Variants in TRDN observed in about 807,000 individuals in gnomAD.
TRDN encodes the protein triadin in skeletal muscle.
Under a neutral mutation model 149.7 loss-of-function variants are expected in TRDN, and 161 were observed. The observed-to-expected ratio is 1.08, with a 90% CI of 0.95 to 1.23. The LOEUF (loss-of-function observed/expected upper bound fraction) is 1.23, where lower values mean the gene tolerates loss of function less well. Among genes scored for constraint, TRDN ranks in the 50% most tolerant of loss-of-function variants. TRDN has a pLI of 0.00. For synonymous variants in TRDN, 294 were observed against 250.5 expected (o/e 1.17, Z -1.64); for missense variants, 896 against 823.5 (o/e 1.09, Z -1.08).
intron 9 of TRDN, among the ~76,000 whole-genome samples, chr6:123,494,677 T>A (rs1396667812): frequency 6.6e-6 from 1 of 152,194 alleles, no homozygotes; most frequent in Non-Finnish European, 1.5e-5. Flanking sequence ...GTGTAGAGTA[T>A]GAATTTCTTG....
At position 123,529,298 on chromosome 6, in the gene TRDN, G is replaced by A. The variant is rs1265227305; in HGVS notation, c.484+1208C>T. The A allele has an allele frequency of 2.6e-6, 4 of 1,548,678 alleles. No homozygotes were observed. In the African/African-American group the frequency reaches 4.1e-5, roughly 16 times the overall value. Reference sequence around the variant, plus strand: ...CTCAAGAGCTGTGTCCAACTTCTGTGATCAAAGGAATTAAGAACCGAAAAA... The same window carrying A: ...CTCAAGAGCTGTGTCCAACTTCTGTAATCAAAGGAATTAAGAACCGAAAAA... On this transcript the variant is annotated intron_variant, in intron 5 of 40. Coordinates refer to ENST00000334268, the MANE Select transcript of TRDN (RefSeq NM_006073.4).
intron 9 of TRDN, among the ~76,000 whole-genome samples, chr6:123,472,999 CA>C: frequency 6.6e-6 from 1 of 152,262 alleles, no homozygotes; most frequent in Admixed American, 6.5e-5. Flanking sequence ...GGGGAAAAAA[CA>C]GAACAGAAAA....
At chr6:123,604,216 C>T (rs541591265) in intron 1 of TRDN, among the ~76,000 whole-genome samples, 1 of 152,266 alleles carries the variant, frequency 6.6e-6, no homozygotes, top group African/African-American at 2.4e-5. Context: ...CACTGTTAAT[C>T]GTGTGACCCT....
At chr6:123,311,905 G>A (rs1299911784) in intron 24 of TRDN, among the ~76,000 whole-genome samples, 1 of 151,972 alleles carries the variant, frequency 6.6e-6, no homozygotes, top group East Asian at 1.9e-4. Context: ...GGCAAAAAAG[G>A]TGGGAGGTGA....
At chr6:123,415,537 A>G (rs1773613898) in intron 12 of TRDN, among the ~76,000 whole-genome samples, 1 of 152,212 alleles carries the variant, frequency 6.6e-6, no homozygotes, top group Admixed American at 6.5e-5. Context: ...ATGTTAAAAC[A>G]TAGTTCTTTC....
intron 1 of TRDN, among the ~76,000 whole-genome samples, chr6:123,577,875 C>A (rs1004542102): frequency 2.6e-5 from 4 of 152,144 alleles, no homozygotes; most frequent in Non-Finnish European, 5.9e-5. Flanking sequence ...ATTTGCATTT[C>A]TCTAAAGATC....
Position 123,548,614 on chromosome 6 carries a change from T to C in TRDN, c.233-2A>G, listed in dbSNP as rs1781234161. 2 of 1,322,674 alleles carry C rather than the reference T, an allele frequency of 1.5e-6. No individual in the cohort carries two copies. 81.9% of individuals were successfully genotyped at this position (1,322,674 alleles called of 1,614,324 possible). ...AGCCAATCTTGGCAATAGAGCTTGCTAAAAGTAATTAAAAAAAAAAAAAAA... is the reference window on the plus strand; with the variant it reads ...AGCCAATCTTGGCAATAGAGCTTGCCAAAAGTAATTAAAAAAAAAAAAAAA... On this transcript the variant is annotated splice_acceptor_variant, in intron 2 of 40. Coordinates refer to ENST00000334268, the MANE Select transcript of TRDN (RefSeq NM_006073.4). LOFTEE classifies it high-confidence loss of function.
intron 1 of TRDN, among the ~76,000 whole-genome samples, chr6:123,631,454 A>G (rs1786002423): frequency 6.6e-6 from 1 of 151,990 alleles, no homozygotes; most frequent in Non-Finnish European, 1.5e-5. Flanking sequence ...TAACCTCCAG[A>G]TTCCCATATT....
chr6:123,454,744 C>T (rs1775999416), intron 10 of TRDN, among the ~76,000 whole-genome samples: 1 of 152,146 alleles, frequency 6.6e-6, no homozygotes, highest in African/African-American at 2.4e-5. Context: ...GAGAGCAAAC[C>T]CTCTTGTGAA....
intron 23 of TRDN, among the ~76,000 whole-genome samples, chr6:123,321,549 G>A (rs563725764): frequency 7.2e-5 from 11 of 151,824 alleles, no homozygotes; most frequent in South Asian, 2.1e-4. Flanking sequence ...ACAAAGACAC[G>A]CAATTTCACA....
At chr6:123,559,456 T>C (rs62419187) in intron 2 of TRDN, among the ~76,000 whole-genome samples, 430 of 150,786 alleles carry the variant, frequency 2.9e-3, no homozygotes, top group African/African-American at 5.6e-3. Flanking sequence ...ATCTCATTGC[T>C]GCCCTTCTTC....
chr6:123,382,085 C>A, intron 15 of TRDN, 33 bp downstream of exon 15: 2 of 1,446,734 alleles, frequency 1.4e-6, no homozygotes, highest in East Asian at 2.9e-5. Flanking sequence ...GTTCATCAAA[C>A]ATAAGGCAGA....
At chr6:123,379,074 A>G (rs944643273) in intron 16 of TRDN, among the ~76,000 whole-genome samples, 4 of 152,160 alleles carry the variant, frequency 2.6e-5, no homozygotes, top group Non-Finnish European at 5.9e-5. Context: ...ACATACCCAC[A>G]TTTTTATCTG....
At chr6:123,276,132 C>A (rs1223293852) in intron 26 of TRDN, among the ~76,000 whole-genome samples, 1 of 152,086 alleles carries the variant, frequency 6.6e-6, no homozygotes, top group Non-Finnish European at 1.5e-5. Context: ...GGCCTAATCA[C>A]CTCTTCAAGG....
intron 1 of TRDN, among the ~76,000 whole-genome samples, chr6:123,620,029 C>T (rs1785299404): frequency 1.3e-5 from 2 of 152,104 alleles, no homozygotes; most frequent in South Asian, 4.1e-4. Context: ...CTTCAGATTT[C>T]CATTGCCCAT....
rs531795444 is a variant in TRDN at position 123,580,724 on chromosome 6, G to T, written c.23-9592C>A. Among the ~76,000 whole-genome samples the T allele has an allele frequency of 2.0e-5, 3 of 152,236 alleles. No homozygotes were observed. The South Asian group carries it at 6.2e-4, about 32-fold the overall frequency. On this transcript the variant is annotated intron_variant, in intron 1 of 40. Coordinates refer to ENST00000334268, the MANE Select transcript of TRDN (RefSeq NM_006073.4). ...ATAGCTGTAACTATGCAACAACCTT[G>T]TATAAATAATGTTGGAAAACTGCTT...
chr6:123,218,642 C>A lies in TRDN; in HGVS notation c.2149G>T (p.Gly717Cys), dbSNP rs368860243. ...TTCTGTCCTGGAGAATTTGCTTGAC[C>A]AGAGCTCTCTCCAGGGCGGTCTGCA... ...TPADRPGESS[G>C]QANSPGQKQQ... Residue 717 changes from glycine to cysteine, a missense_variant, in exon 41 of 41, where the codon GGT becomes TGT. Physicochemically the swap from Gly to Cys is radical, Grantham distance 159. Coordinates refer to ENST00000334268, the MANE Select transcript of TRDN (RefSeq NM_006073.4). 5 of 1,611,318 alleles carry A rather than the reference C, an allele frequency of 3.1e-6. No individual in the cohort carries two copies. The African/African-American group carries it at 5.4e-5, about 17-fold the overall frequency.
At chr6:123,546,555 T>C (rs550487730) in intron 4 of TRDN, among the ~76,000 whole-genome samples, 22 of 152,196 alleles carry the variant, frequency 1.4e-4, no homozygotes, top group African/African-American at 5.3e-4. Context: ...ACACTGCAAT[T>C]GTTTTAAGTC....
At chr6:123,490,735 G>A (rs1334786666) in intron 9 of TRDN, among the ~76,000 whole-genome samples, 2 of 152,250 alleles carry the variant, frequency 1.3e-5, no homozygotes, top group Admixed American at 6.5e-5. Context: ...GAGAAAGGCA[G>A]GCATCCAAAA....
Sources: gnomAD v4.1 joint callset for allele counts (sites outside exome capture counted in the v4.1 genomes callset) on GRCh38, gnomAD v4.1.1 for gene constraint, MANE v1.5 for transcripts, NCBI Gene and HGNC (gene_info 2026-07-23, HGNC 2026-07-21) for gene names.